UBE2E2: variants seen among roughly 807,000 people sequenced by gnomAD.
UBE2E2 encodes ubiquitin conjugating enzyme E2 E2, also known as ubiquitin-conjugating enzyme E2 E2.
Under a neutral mutation model 24.7 loss-of-function variants are expected in UBE2E2, and 6 were observed. The observed-to-expected ratio is 0.24, with a 90% CI of 0.13 to 0.48. UBE2E2 has a LOEUF of 0.48. Among genes scored for constraint, UBE2E2 ranks in the 20% least tolerant of loss-of-function variants. The pLI is 0.99. For synonymous variants in UBE2E2, 104 were observed against 83.6 expected (o/e 1.24, Z -1.33); for missense variants, 169 against 245.0 (o/e 0.69, Z 2.07).
intron 3 of UBE2E2, among the ~76,000 whole-genome samples, chr3:23,406,185 G>A (rs1697352905): frequency 6.6e-6 from 1 of 152,228 alleles, no homozygotes; most frequent in Admixed American, 6.5e-5. Flanking sequence ...AGGCTCTCCA[G>A]TTTGTAAAGA....
chr3:23,395,804 A>G (rs1408487628), intron 3 of UBE2E2, among the ~76,000 whole-genome samples: 1 of 152,240 alleles, frequency 6.6e-6, no homozygotes, highest in Non-Finnish European at 1.5e-5. Context: ...GCTTCGTAGC[A>G]TAAGCAGGTG....
At chr3:23,554,727 A>G (rs1157335266) in intron 5 of UBE2E2, among the ~76,000 whole-genome samples, 7 of 152,250 alleles carry the variant, frequency 4.6e-5, no homozygotes, top group Non-Finnish European at 1.0e-4. Context: ...AATAAATGTA[A>G]CTACATCAAA....
chr3:23,407,987 C>T lies in UBE2E2; in HGVS notation c.228-91621C>T, dbSNP rs1402474323. ...TGTGTAATTGTGCTTCTGGTGGGGGCGGGGGAGATGGGCTTTTATTAAAAA... is the reference window on the plus strand; with the variant it reads ...TGTGTAATTGTGCTTCTGGTGGGGGTGGGGGAGATGGGCTTTTATTAAAAA... On this transcript the variant is annotated intron_variant, in intron 3 of 5. Coordinates refer to ENST00000396703, the MANE Select transcript of UBE2E2 (RefSeq NM_152653.4). The surrounding 1 kb of genome is among the most constrained non-coding windows in gnomAD (Gnocchi z 4.0). Among the ~76,000 whole-genome samples, 11 of 148,406 alleles carry T rather than the reference C, an allele frequency of 7.4e-5. No individual in the cohort carries two copies. Among genetic ancestry groups the T allele is most frequent in the South Asian group, 2.1e-4 (1 of 4,676 alleles).
chr3:23,320,033 C>T (rs1411452586), intron 3 of UBE2E2, among the ~76,000 whole-genome samples: 7 of 152,038 alleles, frequency 4.6e-5, no homozygotes, highest in Admixed American at 4.6e-4. Context: ...TGTCACACAC[C>T]CACTGCAGCC....
chr3:23,368,416 C>T (rs71322174), intron 3 of UBE2E2, among the ~76,000 whole-genome samples: 9,226 of 152,196 alleles, frequency 0.061, 450 homozygotes, highest in Non-Finnish European at 0.088. Flanking sequence ...TTCGTAGAGG[C>T]AATGAGTGTC....
intron 3 of UBE2E2, among the ~76,000 whole-genome samples, chr3:23,345,854 T>C (rs1371338295): frequency 6.6e-6 from 1 of 152,186 alleles, no homozygotes; most frequent in Non-Finnish European, 1.5e-5. Flanking sequence ...TCCTTTCAAA[T>C]TTGTATTTAA....
chr3:23,441,242 C>T (rs967432133), intron 3 of UBE2E2, among the ~76,000 whole-genome samples: 3 of 151,690 alleles, frequency 2.0e-5, no homozygotes, highest in Admixed American at 6.6e-5. Flanking sequence ...GAAGGAAGGC[C>T]GGGCGCAGTG....
chr3:23,464,141 T>A (rs1156408188), intron 3 of UBE2E2, among the ~76,000 whole-genome samples: 1 of 152,140 alleles, frequency 6.6e-6, no homozygotes, highest in East Asian at 1.9e-4. Context: ...TTAATAGTAG[T>A]GAGAACAGTC....
chr3:23,252,495 A>AT (rs112002496), intron 3 of UBE2E2, among the ~76,000 whole-genome samples: 145 of 150,384 alleles, frequency 9.6e-4, no homozygotes, highest in South Asian at 5.7e-3. Flanking sequence ...ATTAAAAAAA[A>AT]TTTTTTTTTT....
intron 5 of UBE2E2, among the ~76,000 whole-genome samples, chr3:23,536,555 AG>A (rs750982144): frequency 1.3e-5 from 2 of 152,242 alleles, no homozygotes; most frequent in Non-Finnish European, 1.5e-5. Context: ...CTTATGAGAC[AG>A]TCAGAAAGTT....
chr3:23,389,850 C>G (rs1050609395), intron 3 of UBE2E2: 2 of 161,772 alleles, frequency 1.2e-5, no homozygotes, highest in Non-Finnish European at 2.7e-5. Context: ...CCTGACCACC[C>G]AGTGCCTCAG....
intron 3 of UBE2E2, among the ~76,000 whole-genome samples, chr3:23,338,260 T>C (rs1695268011): frequency 6.6e-6 from 1 of 152,142 alleles, no homozygotes; most frequent in Non-Finnish European, 1.5e-5. Flanking sequence ...CTGAAACAAC[T>C]TTATGTGTAG....
chr3:23,466,718 C>T (rs2125430158), intron 3 of UBE2E2, among the ~76,000 whole-genome samples: 1 of 152,126 alleles, frequency 6.6e-6, no homozygotes, highest in Middle Eastern at 3.4e-3. Flanking sequence ...CAGGCACCCA[C>T]CACCACCCTC....
chr3:23,203,351 CA>C lies in UBE2E2; in HGVS notation c.-121del. The C allele has an allele frequency of 1.0e-6, 1 of 986,424 alleles. No homozygotes were observed. The highest frequency in any genetic ancestry group is 1.2e-6 in the Non-Finnish European group (1 of 830,552). The allele number at this position is 986,424 out of a possible 1,614,324, so 61.1% of individuals were successfully genotyped here. On this transcript the variant is annotated 5_prime_UTR_variant, in exon 1 of 6. Coordinates refer to ENST00000396703, the MANE Select transcript of UBE2E2 (RefSeq NM_152653.4). ...CGGCTTTCGGTGACTAGACGGTCCG[CA>C]GGGGACATCCCGTCCCTGGGGCCTC... is the stretch of plus-strand genomic sequence containing the variant.
chr3:23,316,168 C>T lies in UBE2E2; in HGVS notation c.227+98856C>T, dbSNP rs74627624. Reference sequence around the variant, plus strand: ...GCTTAAGGTCCTAGAGCTTTGCCGTCAGCAGTTGGCAAAACCAACCAGGCT... The same window carrying T: ...GCTTAAGGTCCTAGAGCTTTGCCGTTAGCAGTTGGCAAAACCAACCAGGCT... On this transcript the variant is annotated intron_variant, in intron 3 of 5. Coordinates refer to ENST00000396703, the MANE Select transcript of UBE2E2 (RefSeq NM_152653.4). 2.0e-5 allele frequency among the ~76,000 whole-genome samples: 3 copies of T among 152,248 alleles called. No homozygotes were observed. The East Asian group carries it at 5.8e-4, about 30-fold the overall frequency.
At chr3:23,297,422 C>G (rs146478750) in intron 3 of UBE2E2, among the ~76,000 whole-genome samples, 6,340 of 152,010 alleles carry the variant, frequency 0.042, 463 homozygotes, top group African/African-American at 0.15. Context: ...AGCTTTTCCT[C>G]TAGGGTTTTT....
At chr3:23,406,774 T>C (rs987830913) in intron 3 of UBE2E2, among the ~76,000 whole-genome samples, 12 of 152,232 alleles carry the variant, frequency 7.9e-5, no homozygotes, top group East Asian at 1.9e-4. Flanking sequence ...AAAGAAAATC[T>C]GTATGCCCAG....
chr3:23,452,349 T>C (rs781473327), intron 3 of UBE2E2, among the ~76,000 whole-genome samples: 1 of 152,188 alleles, frequency 6.6e-6, no homozygotes, highest in Non-Finnish European at 1.5e-5. Flanking sequence ...AGAATCTTTT[T>C]TTTTTCTGTT....
intron 3 of UBE2E2, among the ~76,000 whole-genome samples, chr3:23,446,006 C>T (rs1026677537): frequency 6.6e-6 from 1 of 152,072 alleles, no homozygotes; most frequent in African/African-American, 2.4e-5. Flanking sequence ...CAGAGAGAGA[C>T]CCCATTTCTT....
Sources: gnomAD v4.1 joint callset for allele counts (sites outside exome capture counted in the v4.1 genomes callset) on GRCh38, gnomAD v4.1.1 for gene constraint, Gnocchi (gnomAD v3.1) non-coding constraint, MANE v1.5 for transcripts, NCBI Gene and HGNC (gene_info 2026-07-23, HGNC 2026-07-21) for gene names.